Variants in WDR35 observed in about 807,000 individuals in gnomAD.
WDR35 encodes the protein WD repeat-containing protein 35.
WDR35 carries 118 observed loss-of-function variants against 158.3 expected under a neutral mutation model. That is an observed-to-expected ratio of 0.75 (90% CI 0.64 to 0.87). WDR35 has a LOEUF of 0.87. WDR35 is among the 40% of genes least tolerant of loss of function. The pLI, the probability that WDR35 is intolerant of heterozygous loss-of-function variation, is 0.00. For synonymous variants in WDR35, 448 were observed against 476.1 expected, an observed-to-expected ratio of 0.94 and a Z score of 0.77; for missense variants, 1,263 against 1,405.8, an observed-to-expected ratio of 0.90 and a Z score of 1.62.
At chr2:19,978,330 A>G (rs1348461878) in intron 5 of WDR35, among the ~76,000 whole-genome samples, 1 of 152,232 alleles carries the variant, frequency 6.6e-6, no homozygotes, top group South Asian at 2.1e-4. Context: ...TTTATCTATT[A>G]CTAGAATTTG....
At chr2:19,936,476 A>G in intron 19 of WDR35, 111 bp from the exon 20 acceptor site, 1 of 1,485,272 alleles carries the variant, frequency 6.7e-7, no homozygotes, top group Non-Finnish European at 9.3e-7. Flanking sequence ...GCAGTGGACA[A>G]TGTGACTCTC....
intron 7 of WDR35, 118 bp from the exon 8 acceptor site, chr2:19,973,826 G>T: frequency 4.2e-6 from 6 of 1,415,746 alleles, no homozygotes; most frequent in South Asian, 3.8e-5. Context: ...AAAAAAACAG[G>T]GCTGGGTACA....
At chr2:19,971,576 A>C (rs1672035350) in intron 8 of WDR35, among the ~76,000 whole-genome samples, 1 of 152,248 alleles carries the variant, frequency 6.6e-6, no homozygotes, top group Admixed American at 6.5e-5. Context: ...GTATTCTGTC[A>C]TAGCAGCACA....
At position 19,973,912 on chromosome 2, in the gene WDR35, G is replaced by A. The variant is rs13415707; in HGVS notation, c.737-204C>T. Reference sequence around the variant, plus strand: ...CACTTGAGTCCAGGAGTTCAAGATCGGCCTGGGCAACATGGTGAAACCCTG... The same window carrying A: ...CACTTGAGTCCAGGAGTTCAAGATCAGCCTGGGCAACATGGTGAAACCCTG... On this transcript the variant is annotated intron_variant, in intron 7 of 26. Coordinates refer to ENST00000281405, the MANE Select transcript of WDR35 (RefSeq NM_020779.4). 4.6e-5 allele frequency among the ~76,000 whole-genome samples: 7 copies of A among 151,538 alleles called. No individual in the cohort carries two copies. In the South Asian group the frequency reaches 8.3e-4, roughly 18 times the overall value.
chr2:19,938,074 CA>C (rs1183163818), intron 18 of WDR35, 128 bp from the exon 19 acceptor site: 2 of 1,370,268 alleles, frequency 1.5e-6, no homozygotes, highest in Non-Finnish European at 2.0e-6. Flanking sequence ...GTAACATATG[CA>C]AACATTTTTC....
chr2:19,945,699 C>G, intron 16 of WDR35, 87 bp downstream of exon 16: 1 of 1,491,578 alleles, frequency 6.7e-7, no homozygotes, highest in Non-Finnish European at 9.3e-7. Flanking sequence ...ATTCAACAAA[C>G]TTCTTAAAGA....
At chr2:19,928,776 C>A (rs1019798875) in intron 25 of WDR35, among the ~76,000 whole-genome samples, 1 of 151,966 alleles carries the variant, frequency 6.6e-6, no homozygotes, top group Non-Finnish European at 1.5e-5. Context: ...ATGAACTTCT[C>A]AATCATTACA....
At chr2:19,946,138 T>C (rs920147015) in intron 15 of WDR35, 142 bp from the exon 16 acceptor site, 1 of 942,794 alleles carries the variant, frequency 1.1e-6, no homozygotes, top group African/African-American at 1.7e-5. Flanking sequence ...AAAATTTTGT[T>C]AAATAAATTT....
chr2:19,987,772 C>T (rs1429583838), intron 2 of WDR35, among the ~76,000 whole-genome samples: 2 of 139,198 alleles, frequency 1.4e-5, no homozygotes, highest in African/African-American at 2.7e-5. Context: ...TGCAATGAGC[C>T]GAGATCCAGC....
rs539310994 is a variant in WDR35, at chr2:19,933,348, C to T, written c.2658+53G>A. 1.7e-4 allele frequency: 261 copies of T among 1,498,656 alleles called. No individual in the cohort carries two copies. In the African/African-American group the frequency reaches 3.2e-3, roughly 18 times the overall value. 92.8% of individuals were successfully genotyped at this position (1,498,656 alleles called of 1,614,324 possible). A position where few individuals can be genotyped will look rare whatever the true frequency, so the allele number is the denominator to read the frequency against. On this transcript the variant is annotated intron_variant, in intron 22 of 26. Transcript: ENST00000281405. ...TAGGGTGACTTTAACCTTGCTTTGA[C>T]TTAAAAATTCCTAAGACAATAAGCT...
At chr2:19,979,018 TA>T in intron 4 of WDR35, 139 bp from the exon 5 acceptor site, 1 of 1,068,144 alleles carries the variant, frequency 9.4e-7, no homozygotes, top group Non-Finnish European at 1.3e-6. Flanking sequence ...CATTAAACTA[TA>T]AAACTTCCAA....
chr2:19,988,194 T>TA (rs1672631943), intron 2 of WDR35, among the ~76,000 whole-genome samples: 1 of 152,210 alleles, frequency 6.6e-6, no homozygotes, highest in African/African-American at 2.4e-5. Context: ...CTAGAATACC[T>TA]ACTGCCCAAG....
chr2:19,968,165 G>A (rs528795648), intron 9 of WDR35, among the ~76,000 whole-genome samples: 1 of 152,290 alleles, frequency 6.6e-6, no homozygotes, highest in East Asian at 1.9e-4. Flanking sequence ...CAGAACCGAA[G>A]TGCACTTCTT....
Position 19,913,468 on chromosome 2 carries a change from C to G in WDR35, c.*90G>C, listed in dbSNP as rs1669896328. 1 of 1,503,614 alleles carries G rather than the reference C, an allele frequency of 6.7e-7. No individual in the cohort carries two copies. Among genetic ancestry groups the G allele is most frequent in the South Asian group, 1.2e-5 (1 of 80,188 alleles). 93.1% of individuals were successfully genotyped at this position (1,503,614 alleles called of 1,614,324 possible). On this transcript the variant is annotated 3_prime_UTR_variant, in exon 27 of 27. Transcript: ENST00000281405. ...TAATGAGGCTGATTTTCATACAAAA[C>G]TCACAGAAATAAACCTTATTACATA...
chr2:19,944,965 A>G (rs1206771772), intron 16 of WDR35, among the ~76,000 whole-genome samples: 2 of 152,182 alleles, frequency 1.3e-5, no homozygotes, highest in Non-Finnish European at 2.9e-5. Flanking sequence ...CTTATTCCTT[A>G]TTATTTACAA....
intron 11 of WDR35, among the ~76,000 whole-genome samples, chr2:19,959,713 C>A (rs905900037): frequency 3.3e-5 from 5 of 151,468 alleles, no homozygotes; most frequent in African/African-American, 1.2e-4. Context: ...AGGCAACAGG[C>A]ATTAATACTT....
At chr2:19,964,118 A>G (rs10169359) in intron 10 of WDR35, among the ~76,000 whole-genome samples, 3,490 of 152,222 alleles carry the variant, frequency 0.023, 121 homozygotes, top group African/African-American at 0.079. Flanking sequence ...TGCTGTTGAC[A>G]AATAGAATGC....
intron 25 of WDR35, 132 bp from the exon 26 acceptor site, chr2:19,914,409 G>T: frequency 8.6e-7 from 1 of 1,159,226 alleles, no homozygotes; most frequent in Non-Finnish European, 1.2e-6. Flanking sequence ...AGTGTTGAGA[G>T]ATGGGAGCAC....
Position 19,933,384 on chromosome 2 carries a change from A to C in WDR35, c.2658+17T>G. 1 of 1,600,534 alleles carries C rather than the reference A, an allele frequency of 6.2e-7. No homozygotes were observed. The highest frequency in any genetic ancestry group is 8.6e-7 in the Non-Finnish European group (1 of 1,167,862). On this transcript the variant is annotated intron_variant, in intron 22 of 26. Coordinates refer to ENST00000281405, the MANE Select transcript of WDR35 (RefSeq NM_020779.4). The stretch of plus-strand genomic sequence containing the variant: ...CTAAGACAATAAGCTGCACAGACAG[A>C]AAGTTTCAGTTCCTACTTGGTTGAG...
Sources: allele counts gnomAD v4.1 joint callset (sites outside exome capture counted in the v4.1 genomes callset), GRCh38; gene constraint gnomAD v4.1.1; transcripts MANE v1.5; gene names NCBI Gene and HGNC (gene_info 2026-07-23, HGNC 2026-07-21).